The following OTUD7A variants were observed in gnomAD, a reference collection of about 807,000 sequenced individuals.
The protein encoded by OTUD7A is OTU deubiquitinase 7A, also known as OTU domain-containing protein 7A.
OTUD7A carries 12 observed loss-of-function variants against 65.7 expected under a neutral mutation model. The observed-to-expected ratio is 0.18, with a 90% confidence interval of 0.12 to 0.30. The LOEUF is 0.30. Ranked by LOEUF, OTUD7A falls within the 10% of genes least tolerant of loss-of-function variation. The pLI, the probability that OTUD7A is intolerant of heterozygous loss-of-function variation, is 1.00. For missense variants in OTUD7A, 1,148 were observed against 1,304.8 expected (o/e 0.88, Z 1.85); for synonymous variants, 641 against 586.3 (o/e 1.09, Z -1.35).
intron 3 of OTUD7A, among the ~76,000 whole-genome samples, chr15:31,643,117 T>C (rs1344557411): frequency 6.6e-6 from 1 of 152,162 alleles, no homozygotes; most frequent in South Asian, 2.1e-4. Flanking sequence ...GCTGCTTACA[T>C]TTTTCCACAG....
rs148643263 is a variant in OTUD7A at position 31,484,611 on chromosome 15, A to C, written c.1485T>G (p.Asn495Lys). ...CCTTGTCCTTGCCGTTCTTGCCGTT[A>C]TTGCTGTTAGAATTGCTGCACACCG... Reference protein sequence around the residue: ...RDSVCSNSNSNNGKNGKDKEK... With the variant: ...RDSVCSNSNSKNGKNGKDKEK... The change falls in exon 13 of 13, where the codon AAT becomes AAG. Residue 495 changes from asparagine to lysine, a missense_variant. Coordinates refer to ENST00000307050, the MANE Select transcript of OTUD7A (RefSeq NM_001382637.1). This position sits in a 1 kb window ranked among gnomAD's most constrained non-coding sequence, Gnocchi z 4.5. The C allele has an allele frequency of 1.2e-4, 190 of 1,603,788 alleles. No individual in the cohort carries two copies. The highest frequency in any genetic ancestry group is 6.6e-4 in the Middle Eastern group (4 of 6,056).
Position 31,484,028 on chromosome 15 carries a change from CA to C in OTUD7A, c.2067del (p.Ala690ProfsTer297). Reference protein sequence around the residue: ...RRRDAATAAAAAAAAAAATAK... With the variant: ...RRRDAATAAAXAAAAAAATAK... ...GCCGTGGCGGCGGCGGCGGCGGCGG[CA>C]GCGGCGGCCGCAGTAGCGGCGTCGC... is the stretch of plus-strand genomic sequence containing the variant. On this transcript the variant is annotated frameshift_variant, in exon 13 of 13. Coordinates refer to ENST00000307050, the MANE Select transcript of OTUD7A (RefSeq NM_001382637.1). LOFTEE classifies it low-confidence loss of function (END_TRUNC). This position sits in a 1 kb window ranked among gnomAD's most constrained non-coding sequence, Gnocchi z 4.5. 8.1e-7 allele frequency: 1 copy of C among 1,239,854 alleles called. No homozygotes were observed. The highest frequency in any genetic ancestry group is 4.3e-5 in the Admixed American group (1 of 23,324). 76.8% of individuals were successfully genotyped at this position (1,239,854 alleles called of 1,614,324 possible).
intron 1 of OTUD7A, among the ~76,000 whole-genome samples, chr15:31,776,785 G>T (rs1895393353): frequency 1.3e-5 from 2 of 152,096 alleles, no homozygotes; most frequent in Non-Finnish European, 2.9e-5. Context: ...GTTTGTCCCT[G>T]AAAGTGGGCA....
chr15:31,813,433 C>CTAT (rs546813124), intron 1 of OTUD7A, among the ~76,000 whole-genome samples: 44 of 152,350 alleles, frequency 2.9e-4, no homozygotes, highest in African/African-American at 9.4e-4. Flanking sequence ...ACATGAAGAA[C>CTAT]TATTCTACTG....
chr15:31,578,796 C>A (rs993377226), intron 3 of OTUD7A, among the ~76,000 whole-genome samples: 4 of 152,228 alleles, frequency 2.6e-5, no homozygotes, highest in African/African-American at 9.6e-5. Flanking sequence ...AGGTGATCTG[C>A]TGCCTTGGCC....
Position 31,547,154 on chromosome 15 carries a change from G to A in OTUD7A, c.550+11815C>T, listed in dbSNP as rs569364409. ...TTTTGAAGGCAAAGAAAGGATTCAGGTGGTGAATCTGCTGGATGGAATGTC... is the reference window on the plus strand; with the variant it reads ...TTTTGAAGGCAAAGAAAGGATTCAGATGGTGAATCTGCTGGATGGAATGTC... On this transcript the variant is annotated intron_variant, in intron 5 of 12. Coordinates refer to ENST00000307050, the MANE Select transcript of OTUD7A (RefSeq NM_001382637.1). Among the ~76,000 whole-genome samples the A allele has an allele frequency of 2.0e-5, 3 of 152,368 alleles. No homozygotes were observed. The South Asian group carries it at 6.2e-4, about 32-fold the overall frequency.
intron 3 of OTUD7A, among the ~76,000 whole-genome samples, chr15:31,651,486 C>A (rs1288508857): frequency 6.6e-6 from 1 of 150,666 alleles, no homozygotes; most frequent in East Asian, 1.9e-4. Flanking sequence ...GACAAGAAAA[C>A]CAGAAAGGCC....
intron 1 of OTUD7A, among the ~76,000 whole-genome samples, chr15:31,807,377 G>A (rs1396701380): frequency 6.6e-6 from 1 of 152,166 alleles, no homozygotes; most frequent in African/African-American, 2.4e-5. Flanking sequence ...GAGTGCATGA[G>A]TTACAAGTCA....
chr15:31,771,886 G>C (rs928089411), intron 1 of OTUD7A, among the ~76,000 whole-genome samples: 1 of 152,040 alleles, frequency 6.6e-6, no homozygotes, highest in Non-Finnish European at 1.5e-5. Flanking sequence ...TTGATGCCTG[G>C]ACCTATATTT....
intron 1 of OTUD7A, among the ~76,000 whole-genome samples, chr15:31,756,015 G>A (rs1449660600): frequency 6.6e-6 from 1 of 152,190 alleles, no homozygotes; most frequent in African/African-American, 2.4e-5. Flanking sequence ...GCAGAGCTGA[G>A]GACTCCAGCC....
chr15:31,708,323 A>C (rs1027242297), intron 1 of OTUD7A, among the ~76,000 whole-genome samples: 1 of 151,938 alleles, frequency 6.6e-6, no homozygotes, highest in African/African-American at 2.4e-5. Flanking sequence ...TAAAAAGTTA[A>C]ATTGCACATG....
In OTUD7A at chr15:31,487,633, T is replaced by C; in HGVS notation, c.1172-67A>G. The C allele has an allele frequency of 7.4e-7, 1 of 1,355,604 alleles. No individual in the cohort carries two copies. Among genetic ancestry groups the C allele is most frequent in the African/African-American group, 1.4e-5 (1 of 68,988 alleles). 84.0% of individuals were successfully genotyped at this position (1,355,604 alleles called of 1,614,324 possible). A position where few individuals can be genotyped will look rare whatever the true frequency, so the allele number is the denominator to read the frequency against. On this transcript the variant is annotated intron_variant, in intron 10 of 12. Transcript: ENST00000307050. The surrounding 1 kb of genome is among the most constrained non-coding windows in gnomAD (Gnocchi z 6.0). ...TCCCCAGGCAGGATGGCAAGGAAATTCCCAAGCCAGGTATCTGGGTGACAA... is the reference window on the plus strand; with the variant it reads ...TCCCCAGGCAGGATGGCAAGGAAATCCCCAAGCCAGGTATCTGGGTGACAA...
intron 1 of OTUD7A, among the ~76,000 whole-genome samples, chr15:31,762,898 T>C (rs2140905466): frequency 6.6e-6 from 1 of 152,056 alleles, no homozygotes; most frequent in Middle Eastern, 3.4e-3. Context: ...AAAAACAACA[T>C]ATGCTACTCC....
At chr15:31,659,838 A>G (rs2141283261) in intron 1 of OTUD7A, among the ~76,000 whole-genome samples, 1 of 152,362 alleles carries the variant, frequency 6.6e-6, no homozygotes, top group East Asian at 1.9e-4. Context: ...ACACAGGGAT[A>G]AGGGAACAGA....
intron 8 of OTUD7A, among the ~76,000 whole-genome samples, chr15:31,517,688 T>C (rs2041877880): frequency 6.6e-6 from 1 of 152,086 alleles, no homozygotes; most frequent in Non-Finnish European, 1.5e-5. Context: ...ATTTCCAGGG[T>C]TAGGGATATA....
At chr15:31,559,661 G>C (rs1209189717) in intron 4 of OTUD7A, among the ~76,000 whole-genome samples, 1 of 151,770 alleles carries the variant, frequency 6.6e-6, no homozygotes, top group African/African-American at 2.4e-5. Context: ...GAAACAGTTG[G>C]CACATATACT....
At chr15:31,726,796 A>G (rs1183678702) in intron 1 of OTUD7A, among the ~76,000 whole-genome samples, 1 of 152,228 alleles carries the variant, frequency 6.6e-6, no homozygotes, top group East Asian at 1.9e-4. Context: ...TGGCATTGCC[A>G]CGGTTCTTTT....
At chr15:31,672,036 A>C (rs1892497181) in intron 1 of OTUD7A, among the ~76,000 whole-genome samples, 2 of 152,186 alleles carry the variant, frequency 1.3e-5, no homozygotes, top group African/African-American at 4.8e-5. Flanking sequence ...TTTCTGTAAA[A>C]TTCTTAAATT....
At chr15:31,610,617 ATTTT>A (rs58099939) in intron 3 of OTUD7A, among the ~76,000 whole-genome samples, 7 of 30,560 alleles carry the variant, frequency 2.3e-4, no homozygotes, top group South Asian at 1.5e-3. Flanking sequence ...ATATATATAT[ATTTT>A]TTTTTTTTTT....
Sources: allele counts gnomAD v4.1 joint callset (sites outside exome capture counted in the v4.1 genomes callset), GRCh38; gene constraint gnomAD v4.1.1; non-coding constraint Gnocchi (gnomAD v3.1); transcripts MANE v1.5; gene names NCBI Gene and HGNC (gene_info 2026-07-23, HGNC 2026-07-21).